The following LMCD1 variants were observed in gnomAD, a reference collection of about 807,000 sequenced individuals.
LMCD1 encodes the protein LIM and cysteine-rich domains protein 1.
Under a neutral mutation model 42.7 loss-of-function variants are expected in LMCD1, and 32 were observed. The observed-to-expected ratio is 0.75, with a 90% CI of 0.57 to 1.01. LMCD1 has a LOEUF of 1.01. Among genes scored for constraint, LMCD1 ranks in the 50% least tolerant of loss-of-function variants. The pLI, the probability that LMCD1 is intolerant of heterozygous loss-of-function variation, is 0.00. For missense variants in LMCD1, 458 were observed against 483.1 expected (o/e 0.95, Z 0.49); for synonymous variants, 178 against 184.9 (o/e 0.96, Z 0.30).
chr3:8,505,329 C>T (rs1693858060), intron 1 of LMCD1, among the ~76,000 whole-genome samples: 1 of 152,234 alleles, frequency 6.6e-6, no homozygotes, highest in Non-Finnish European at 1.5e-5. Context: ...TTACATGGAA[C>T]AGTCTTTCCT....
chr3:8,522,402 G>A (rs754825699), intron 1 of LMCD1, among the ~76,000 whole-genome samples: 5 of 152,176 alleles, frequency 3.3e-5, no homozygotes, highest in Non-Finnish European at 5.9e-5. Flanking sequence ...GGAGCTGATA[G>A]GAGGAATTGG....
intron 3 of LMCD1, among the ~76,000 whole-genome samples, chr3:8,547,647 CTTTGGGA>C (rs1399500715): frequency 6.6e-6 from 1 of 152,134 alleles, no homozygotes; most frequent in African/African-American, 2.4e-5. Context: ...AATCCCAGCA[CTTTGGGA>C]GACCGAGGCG....
At chr3:8,540,787 C>T (rs563630822) in intron 3 of LMCD1, among the ~76,000 whole-genome samples, 18 of 152,284 alleles carry the variant, frequency 1.2e-4, no homozygotes, top group African/African-American at 2.4e-4. Context: ...CACCTCACCG[C>T]GCCCTATGTG....
intron 3 of LMCD1, among the ~76,000 whole-genome samples, chr3:8,539,859 A>G (rs1694587349): frequency 7.0e-6 from 1 of 143,174 alleles, no homozygotes; most frequent in South Asian, 2.5e-4. Flanking sequence ...GTTCTAGGGT[A>G]CATGTGCACA....
At chr3:8,565,085 T>G (rs571505337) in intron 4 of LMCD1, among the ~76,000 whole-genome samples, 32 of 152,350 alleles carry the variant, frequency 2.1e-4, no homozygotes, top group East Asian at 3.9e-4. Context: ...AAATTTAAAT[T>G]GTTCTCAGTT....
intron 1 of LMCD1, among the ~76,000 whole-genome samples, chr3:8,504,738 GAGA>G (rs1258626772): frequency 6.6e-6 from 1 of 152,178 alleles, no homozygotes; most frequent in African/African-American, 2.4e-5. Flanking sequence ...TATTAGGAAA[GAGA>G]AGGTTTCCTA....
intron 1 of LMCD1, among the ~76,000 whole-genome samples, chr3:8,522,950 C>G (rs1694234703): frequency 6.6e-6 from 1 of 152,184 alleles, no homozygotes; most frequent in African/African-American, 2.4e-5. Flanking sequence ...ACTCTTCCAA[C>G]TACAACCAGT....
At chr3:8,502,663 G>A (rs986351875) in intron 1 of LMCD1, among the ~76,000 whole-genome samples, 1 of 151,084 alleles carries the variant, frequency 6.6e-6, no homozygotes, top group Non-Finnish European at 1.5e-5. Context: ...CAGCATAAGG[G>A]AACTGATTTC....
Position 8,501,853 on chromosome 3 carries a change from T to G in LMCD1, c.-86T>G. On this transcript the variant is annotated 5_prime_UTR_variant, in exon 1 of 6. Transcript: ENST00000157600. ...GAGCTCCCTCCCAGGCCCGCGAACT[T>G]GGCCATTCAGCCGCCGCTGTCCCCG... 4.0e-6 allele frequency: 5 copies of G among 1,258,934 alleles called. No individual in the cohort carries two copies. Among genetic ancestry groups the G allele is most frequent in the Non-Finnish European group, 5.6e-6 (5 of 893,194 alleles). 78.0% of individuals were successfully genotyped at this position (1,258,934 alleles called of 1,614,324 possible). A position where few individuals can be genotyped will look rare whatever the true frequency, so the allele number is the denominator to read the frequency against.
chr3:8,539,795 T>TTTATTATTA (rs71049735), intron 3 of LMCD1, among the ~76,000 whole-genome samples: 58 of 139,828 alleles, frequency 4.1e-4, no homozygotes, highest in East Asian at 1.0e-3. Context: ...TCCCAACATT[T>TTTATTATTA]TTATTATTAT....
At chr3:8,510,138 C>G (rs892039127) in intron 1 of LMCD1, among the ~76,000 whole-genome samples, 3 of 152,194 alleles carry the variant, frequency 2.0e-5, no homozygotes, top group African/African-American at 7.2e-5. Context: ...GGCTGTATGA[C>G]TCAGTGGCGT....
intron 1 of LMCD1, among the ~76,000 whole-genome samples, chr3:8,517,124 C>T (rs1410028203): frequency 2.0e-5 from 3 of 152,200 alleles, no homozygotes; most frequent in South Asian, 4.1e-4. Flanking sequence ...TCTTCCTTTT[C>T]CTTCTGTACA....
intron 4 of LMCD1, among the ~76,000 whole-genome samples, chr3:8,560,612 A>G (rs986545606): frequency 2.0e-5 from 3 of 152,096 alleles, no homozygotes; most frequent in Non-Finnish European, 4.4e-5. Flanking sequence ...TGTAGAAATA[A>G]GAAGCCAGAC....
chr3:8,513,821 A>C (rs7637683), intron 1 of LMCD1, among the ~76,000 whole-genome samples: 60,526 of 151,998 alleles, frequency 0.4, 12,970 homozygotes, highest in Non-Finnish European at 0.49. Context: ...AATAACTATG[A>C]AGGCTGGCCA....
chr3:8,564,375 G>A (rs904857765), intron 4 of LMCD1, among the ~76,000 whole-genome samples: 9 of 152,042 alleles, frequency 5.9e-5, no homozygotes, highest in African/African-American at 1.9e-4. Flanking sequence ...GGCTCCAGCA[G>A]TCCTCCCACC....
chr3:8,547,664 G>A (rs935574241), intron 3 of LMCD1, among the ~76,000 whole-genome samples: 1 of 152,072 alleles, frequency 6.6e-6, no homozygotes, highest in African/African-American at 2.4e-5. Context: ...AGACCGAGGC[G>A]GGTGCATCAC....
rs984287828 is a variant in LMCD1, at chr3:8,548,449, A to C, written c.388-119A>C. On this transcript the variant is annotated intron_variant, in intron 3 of 5. Transcript: ENST00000157600. The stretch of plus-strand genomic sequence containing the variant: ...AGAAAATAAAGACTGTGGGTCTTTC[A>C]GTTGCTGAGAATGCTGGAAGAGAAT... The C allele has an allele frequency of 5.1e-6, 3 of 585,112 alleles. No homozygotes were observed. In the African/African-American group the frequency reaches 5.6e-5, roughly 11 times the overall value. 36.2% of individuals were successfully genotyped at this position (585,112 alleles called of 1,614,324 possible).
At chr3:8,524,539 G>A (rs769529938) in intron 1 of LMCD1, among the ~76,000 whole-genome samples, 93 of 152,210 alleles carry the variant, frequency 6.1e-4, no homozygotes, top group Non-Finnish European at 1.2e-3. Flanking sequence ...ATAAAAGCCA[G>A]ACTTGCTGTA....
At chr3:8,541,287 C>T (rs763910802) in intron 3 of LMCD1, among the ~76,000 whole-genome samples, 1 of 152,146 alleles carries the variant, frequency 6.6e-6, no homozygotes, top group Non-Finnish European at 1.5e-5. Flanking sequence ...CAGTGGCTCG[C>T]ACCTGTAATC....
Sources: allele counts gnomAD v4.1 joint callset (sites outside exome capture counted in the v4.1 genomes callset), GRCh38; gene constraint gnomAD v4.1.1; transcripts MANE v1.5; gene names NCBI Gene and HGNC (gene_info 2026-07-23, HGNC 2026-07-21).